The following STPG2 variants were observed in gnomAD, a reference collection of about 807,000 sequenced individuals.
STPG2 encodes the protein sperm-tail PG-rich repeat-containing protein 2.
A neutral mutation model predicts 54.2 loss-of-function variants in STPG2; 56 were observed. The ratio of observed to expected loss-of-function variants is 1.03; its 90% CI spans 0.83 to 1.29. The LOEUF is 1.29. Among genes scored for constraint, STPG2 ranks in the 50% most tolerant of loss-of-function variants. The pLI is 0.00. For synonymous variants in STPG2, 200 were observed against 181.8 expected (o/e 1.10, Z -0.81); for missense variants, 596 against 544.9 (o/e 1.09, Z -0.93).
At chr4:97,967,921 T>A (rs1459676377) in intron 7 of STPG2, among the ~76,000 whole-genome samples, 1 of 151,710 alleles carries the variant, frequency 6.6e-6, no homozygotes, top group Non-Finnish European at 1.5e-5. Flanking sequence ...AGATCTAAAA[T>A]CAACACCCTA....
intron 9 of STPG2, among the ~76,000 whole-genome samples, chr4:97,839,192 G>A (rs925734237): frequency 7.3e-5 from 11 of 151,512 alleles, no homozygotes; most frequent in Non-Finnish European, 1.2e-4. Flanking sequence ...AGCTTCAAAG[G>A]TTCTGAAAAT....
intron 10 of STPG2, among the ~76,000 whole-genome samples, chr4:97,630,439 ATTAC>A (rs1373040523): frequency 6.6e-6 from 1 of 151,904 alleles, no homozygotes; most frequent in Non-Finnish European, 1.5e-5. Flanking sequence ...AACAAAATAA[ATTAC>A]TATAAAGTAT....
intron 9 of STPG2, among the ~76,000 whole-genome samples, chr4:97,741,067 C>A (rs978998368): frequency 1.3e-5 from 2 of 152,058 alleles, no homozygotes; most frequent in African/African-American, 4.8e-5. Context: ...CGCATATCTA[C>A]AACTATCTGA....
At chr4:97,697,124 T>G (rs1723602090) in intron 10 of STPG2, among the ~76,000 whole-genome samples, 1 of 152,150 alleles carries the variant, frequency 6.6e-6, no homozygotes, top group South Asian at 2.1e-4. Flanking sequence ...AATGGTCAGA[T>G]AGTAGAAATG....
Position 98,143,096 on chromosome 4 carries a change from C to T in STPG2, c.55G>A (p.Ala19Thr). The change falls in exon 1 of 11, where the codon GCC (alanine) becomes ACC (threonine). Residue 19 changes from alanine to threonine, a missense_variant. By Grantham distance (58) the Ala-to-Thr change is moderately conservative. Transcript: ENST00000295268. ...LKLAEGGSTEAHVGPGSYQVP... is the reference protein window; with the variant it reads ...LKLAEGGSTETHVGPGSYQVP... ...TGGTAGGATCCAGGACCCACATGGGCCTCAGTGCTGCCACCTTCAGCCAAT... is the reference window on the plus strand; with the variant it reads ...TGGTAGGATCCAGGACCCACATGGGTCTCAGTGCTGCCACCTTCAGCCAAT... The T allele has an allele frequency of 6.2e-7, 1 of 1,613,956 alleles. No homozygotes were observed. Among genetic ancestry groups the T allele is most frequent in the Non-Finnish European group, 8.5e-7 (1 of 1,179,946 alleles).
At chr4:98,141,882 T>A (rs2110174507) in intron 1 of STPG2, among the ~76,000 whole-genome samples, 1 of 143,486 alleles carries the variant, frequency 7.0e-6, no homozygotes, top group South Asian at 2.3e-4. Flanking sequence ...ATTCGGCATT[T>A]AACAAATGTT....
chr4:97,581,920 T>A (rs1186335362), intron 10 of STPG2, among the ~76,000 whole-genome samples: 7 of 152,024 alleles, frequency 4.6e-5, no homozygotes, highest in South Asian at 2.1e-4. Context: ...CTACATCTAG[T>A]AGCTCTAGGA....
At chr4:97,933,976 T>C (rs2695472) in intron 8 of STPG2, among the ~76,000 whole-genome samples, 63,473 of 152,064 alleles carry the variant, frequency 0.42, 13,816 homozygotes, top group Admixed American at 0.53. Flanking sequence ...TTTCATGACA[T>C]TGATTCTTCC....
At chr4:97,810,655 A>G (rs926855506) in intron 9 of STPG2, among the ~76,000 whole-genome samples, 1 of 152,148 alleles carries the variant, frequency 6.6e-6, no homozygotes, top group African/African-American at 2.4e-5. Flanking sequence ...AGGTTACTCA[A>G]TAAGCCTATG....
chr4:98,071,322 A>T (rs2081620), intron 5 of STPG2, among the ~76,000 whole-genome samples: 60,161 of 151,984 alleles, frequency 0.4, 12,144 homozygotes, highest in Middle Eastern at 0.46. Context: ...GGGGGAAATG[A>T]TTCCCTATTT....
At chr4:97,487,072 C>T (rs866150257) in intron 4 of STPG2, among the ~76,000 whole-genome samples, 1 of 150,976 alleles carries the variant, frequency 6.6e-6, no homozygotes, top group Non-Finnish European at 1.5e-5. Context: ...AAGAATGATA[C>T]AATGGACTTT....
intron 4 of STPG2, among the ~76,000 whole-genome samples, chr4:97,505,576 G>A (rs569344594): frequency 6.6e-6 from 1 of 152,054 alleles, no homozygotes; most frequent in South Asian, 2.1e-4. Context: ...GCATTGTTTG[G>A]ACTGCTATGC....
chr4:97,934,186 TA>T (rs2149221581), intron 8 of STPG2, among the ~76,000 whole-genome samples: 1 of 152,206 alleles, frequency 6.6e-6, no homozygotes, highest in East Asian at 1.9e-4. Context: ...TGTATAGGAA[TA>T]CTTGTGATTT....
intron 10 of STPG2, among the ~76,000 whole-genome samples, chr4:97,650,951 G>A (rs1039960014): frequency 1.3e-5 from 2 of 151,928 alleles, no homozygotes; most frequent in Non-Finnish European, 2.9e-5. Flanking sequence ...CATCTGATGA[G>A]AATTTATGCT....
intron 5 of STPG2, among the ~76,000 whole-genome samples, chr4:98,021,104 T>C (rs573419031): frequency 2.0e-5 from 3 of 151,930 alleles, no homozygotes; most frequent in Non-Finnish European, 4.4e-5. Context: ...CTTTTAATTA[T>C]GATGTTAGGG....
chr4:97,788,798 A>G (rs1578564859), intron 9 of STPG2, among the ~76,000 whole-genome samples: 1 of 152,146 alleles, frequency 6.6e-6, no homozygotes, highest in Non-Finnish European at 1.5e-5. Context: ...GATATTATAT[A>G]GTTTTTGTTA....
chr4:97,995,942 A>G (rs1396276766), intron 5 of STPG2, among the ~76,000 whole-genome samples: 2 of 152,366 alleles, frequency 1.3e-5, no homozygotes, highest in East Asian at 3.9e-4. Flanking sequence ...CAGAGATGAC[A>G]CAAACAGACA....
intron 5 of STPG2, among the ~76,000 whole-genome samples, chr4:98,098,581 T>C (rs1178546533): frequency 6.6e-6 from 1 of 152,084 alleles, no homozygotes; most frequent in Non-Finnish European, 1.5e-5. Context: ...TCCTGAATGA[T>C]ACCCCACAAG....
At chr4:97,811,405 G>A (rs916956468) in intron 9 of STPG2, among the ~76,000 whole-genome samples, 14 of 152,198 alleles carry the variant, frequency 9.2e-5, no homozygotes, top group Non-Finnish European at 1.6e-4. Flanking sequence ...TGGTTTTAGT[G>A]AAGCAAACAT....
Sources: gnomAD v4.1 joint callset for allele counts (sites outside exome capture counted in the v4.1 genomes callset) on GRCh38, gnomAD v4.1.1 for gene constraint, MANE v1.5 for transcripts, NCBI Gene and HGNC (gene_info 2026-07-23, HGNC 2026-07-21) for gene names.